The following PTPRN2 variants were observed in gnomAD, a reference collection of about 807,000 sequenced individuals.
PTPRN2 encodes the protein protein tyrosine phosphatase receptor type N2, also known as receptor-type tyrosine-protein phosphatase N2.
In PTPRN2, 74 loss-of-function variants were observed where a neutral mutation model predicts 118.8. The observed-to-expected ratio is 0.62, with a 90% CI of 0.52 to 0.76. PTPRN2 has a LOEUF of 0.76. PTPRN2 is among the 30% of genes least tolerant of loss of function. The pLI, the probability that PTPRN2 is intolerant of heterozygous loss-of-function variation, is 0.00. For synonymous variants in PTPRN2, 641 were observed against 608.0 expected (o/e 1.05, Z -0.80); for missense variants, 1,481 against 1,394.4 (o/e 1.06, Z -0.99).
chr7:158,105,591 A>G (rs750689650), intron 10 of PTPRN2, among the ~76,000 whole-genome samples: 50 of 150,754 alleles, frequency 3.3e-4, no homozygotes, highest in Admixed American at 2.6e-4. Context: ...CTCCATTCCT[A>G]TCCATCCCTA....
chr7:157,950,840 G>A (rs1800767084), intron 11 of PTPRN2, among the ~76,000 whole-genome samples: 2 of 152,230 alleles, frequency 1.3e-5, no homozygotes, highest in Admixed American at 1.3e-4. Flanking sequence ...AAAGTGAGGT[G>A]CAGACGCGGA....
chr7:157,560,149 T>C lies in PTPRN2; in HGVS notation c.2902+8753A>G, dbSNP rs1208391946. 1.3e-5 allele frequency among the ~76,000 whole-genome samples: 2 copies of C among 152,058 alleles called. No homozygotes were observed. The highest frequency in any genetic ancestry group is 1.3e-4 in the Admixed American group (2 of 15,274). On this transcript the variant is annotated intron_variant, in intron 21 of 22. Coordinates refer to ENST00000389418, the MANE Select transcript of PTPRN2 (RefSeq NM_002847.5). This position sits in a 1 kb window ranked among gnomAD's most constrained non-coding sequence, Gnocchi z 6.7. ...GCGGAGGACAGCCCAGGTGAGGACA[T>C]CAGACCCAGGAGTGGGTGAGGAGCC...
At chr7:158,191,070 C>A (rs540341844) in intron 5 of PTPRN2, among the ~76,000 whole-genome samples, 154 of 152,380 alleles carry the variant, frequency 1.0e-3, no homozygotes, top group African/African-American at 3.7e-3. Context: ...ACGCTTGGTG[C>A]AAGGTTCCAG....
chr7:158,225,735 T>G (rs1488889107), intron 3 of PTPRN2, among the ~76,000 whole-genome samples: 2 of 152,104 alleles, frequency 1.3e-5, no homozygotes, highest in Non-Finnish European at 2.9e-5. Flanking sequence ...TAGAAACAAG[T>G]GGTATTTGAA....
chr7:158,040,952 T>C (rs1808422013), intron 11 of PTPRN2, among the ~76,000 whole-genome samples: 1 of 152,154 alleles, frequency 6.6e-6, no homozygotes, highest in Non-Finnish European at 1.5e-5. Flanking sequence ...AGGCTGGTCT[T>C]GAACTCCTGA....
intron 12 of PTPRN2, among the ~76,000 whole-genome samples, chr7:157,726,540 G>A (rs1799612286): frequency 6.6e-6 from 1 of 152,248 alleles, no homozygotes; most frequent in Admixed American, 6.5e-5. Flanking sequence ...TGAACTCAGA[G>A]CTAAATGTGA....
At chr7:158,417,220 A>G (rs1814745508) in intron 2 of PTPRN2, among the ~76,000 whole-genome samples, 1 of 151,930 alleles carries the variant, frequency 6.6e-6, no homozygotes, top group African/African-American at 2.4e-5. Flanking sequence ...GCACTACAAC[A>G]AGATGCTCTA....
chr7:157,791,819 G>GA (rs1804520228), intron 12 of PTPRN2, among the ~76,000 whole-genome samples: 2 of 152,242 alleles, frequency 1.3e-5, no homozygotes, highest in African/African-American at 4.8e-5. Context: ...TGAGGACCTG[G>GA]AGGGTATCGC....
intron 2 of PTPRN2, among the ~76,000 whole-genome samples, chr7:158,415,699 C>T (rs1310575973): frequency 6.6e-6 from 1 of 152,150 alleles, no homozygotes; most frequent in African/African-American, 2.4e-5. Context: ...CCCATACACG[C>T]AAATCCTCGT....
intron 6 of PTPRN2, among the ~76,000 whole-genome samples, chr7:158,154,064 G>A (rs760958054): frequency 1.1e-4 from 16 of 152,174 alleles, no homozygotes; most frequent in Non-Finnish European, 1.9e-4. Context: ...TCAGGAGCCC[G>A]GCAGGCACCC....
intron 2 of PTPRN2, among the ~76,000 whole-genome samples, chr7:158,406,687 A>G (rs1813472298): frequency 6.6e-6 from 1 of 152,190 alleles, no homozygotes. Context: ...CCCTGTTCAC[A>G]CACCTCTAGA....
intron 12 of PTPRN2, among the ~76,000 whole-genome samples, chr7:157,695,167 G>C (rs1031448245): frequency 3.9e-5 from 6 of 151,968 alleles, no homozygotes; most frequent in Non-Finnish European, 8.8e-5. Flanking sequence ...ACATTTAAGT[G>C]ATTAGAATAA....
chr7:157,875,731 A>AG (rs1295906433), intron 12 of PTPRN2, among the ~76,000 whole-genome samples: 3 of 150,266 alleles, frequency 2.0e-5, no homozygotes, highest in African/African-American at 7.4e-5. Flanking sequence ...AGGCATCCCC[A>AG]GGGGGGCACG....
chr7:158,136,967 C>G (rs575154483), intron 7 of PTPRN2, among the ~76,000 whole-genome samples: 1 of 149,416 alleles, frequency 6.7e-6, no homozygotes, highest in African/African-American at 2.5e-5. Flanking sequence ...CTCACGTGAT[C>G]GACAAAGTTA....
rs1800495304 is a variant in PTPRN2 at position 157,583,392 on chromosome 7, C to T, written c.2497-5252G>A. Among the ~76,000 whole-genome samples the T allele has an allele frequency of 6.6e-6, 1 of 152,068 alleles. No individual in the cohort carries two copies. ...GGACAGCTGAATTCTGGAGACCTGG[C>T]ATTCAGCATGGTGACTGTAGTTAAT... On this transcript the variant is annotated intron_variant, in intron 17 of 22. Coordinates refer to ENST00000389418, the MANE Select transcript of PTPRN2 (RefSeq NM_002847.5). This position sits in a 1 kb window ranked among gnomAD's most constrained non-coding sequence, Gnocchi z 5.5.
chr7:157,842,011 C>T (rs1808458464), intron 12 of PTPRN2, among the ~76,000 whole-genome samples: 1 of 152,212 alleles, frequency 6.6e-6, no homozygotes, highest in Non-Finnish European at 1.5e-5. Flanking sequence ...GGAACTTTCT[C>T]TTTCTATAGC....
At chr7:157,614,052 C>T (rs927925371) in intron 15 of PTPRN2, 2 of 471,258 alleles carry the variant, frequency 4.2e-6, no homozygotes, top group African/African-American at 4.0e-5. Flanking sequence ...CATCGTTCTG[C>T]AGCAGGACTG....
chr7:158,312,007 C>A (rs1011400175), intron 3 of PTPRN2, among the ~76,000 whole-genome samples: 12 of 146,548 alleles, frequency 8.2e-5, no homozygotes, highest in Admixed American at 2.0e-4. Context: ...GCACACACAC[C>A]TGCACATTCA....
intron 11 of PTPRN2, among the ~76,000 whole-genome samples, chr7:157,982,681 A>G (rs1390870013): frequency 7.6e-6 from 1 of 132,104 alleles, no homozygotes; most frequent in Non-Finnish European, 1.6e-5. Flanking sequence ...ACCCCGAGTC[A>G]CAGAGATGGA....
Sources: allele counts gnomAD v4.1 joint callset (sites outside exome capture counted in the v4.1 genomes callset), GRCh38; gene constraint gnomAD v4.1.1; non-coding constraint Gnocchi (gnomAD v3.1); transcripts MANE v1.5; gene names NCBI Gene and HGNC (gene_info 2026-07-23, HGNC 2026-07-21).